KCNK10: variants seen among roughly 807,000 people sequenced by gnomAD.
KCNK10 encodes potassium channel subfamily K member 10.
Under a neutral mutation model 47.7 loss-of-function variants are expected in KCNK10, and 25 were observed. The observed-to-expected ratio is 0.52, with a 90% CI of 0.38 to 0.73. The LOEUF (loss-of-function observed/expected upper bound fraction) is 0.73, where lower values mean the gene tolerates loss of function less well. Among genes scored for constraint, KCNK10 ranks in the 30% least tolerant of loss-of-function variants. The pLI is 0.00. For synonymous variants in KCNK10, 303 were observed against 285.6 expected (o/e 1.06, Z -0.61); for missense variants, 563 against 714.5 (o/e 0.79, Z 2.42).
intron 1 of KCNK10, among the ~76,000 whole-genome samples, chr14:88,310,205 G>GATATACTATATGATATGGTATATC (rs1888292052): frequency 2.4e-5 from 1 of 42,340 alleles, no homozygotes; most frequent in Admixed American, 3.0e-4. Flanking sequence ...TATGGTATAT[G>GATATACTATATGATATGGTATATC]ATATACCATA....
intron 3 of KCNK10, among the ~76,000 whole-genome samples, chr14:88,228,450 AT>A (rs1886055864): frequency 6.6e-6 from 1 of 152,206 alleles, no homozygotes; most frequent in Admixed American, 6.5e-5. Flanking sequence ...CACACTTTAT[AT>A]GGAGATGAAA....
In KCNK10 at chr14:88,309,592, A is replaced by G. The variant is rs111537543; in HGVS notation, c.52+13155T>C. Reference sequence around the variant, plus strand: ...ACTCCAGCTCGGGCGACAAATCAAGATCTTGTCTCAAAAACATAAAAAACT... The same window carrying G: ...ACTCCAGCTCGGGCGACAAATCAAGGTCTTGTCTCAAAAACATAAAAAACT... On this transcript the variant is annotated intron_variant, in intron 1 of 6. Transcript: ENST00000319231. 2.5e-3 allele frequency among the ~76,000 whole-genome samples: 380 copies of G among 152,346 alleles called. 1 individual carries two copies. The highest frequency in any genetic ancestry group is 8.8e-3 in the African/African-American group (367 of 41,580).
At chr14:88,187,523 C>T (rs1884605336) in intron 6 of KCNK10, among the ~76,000 whole-genome samples, 1 of 152,116 alleles carries the variant, frequency 6.6e-6, no homozygotes, top group African/African-American at 2.4e-5. Flanking sequence ...TTCCCCGTAG[C>T]TGGTCAATGT....
chr14:88,180,926 CCTTTTT>C lies in KCNK10; in HGVS notation c.*4603_*4608del, dbSNP rs1884325369. On this transcript the variant is annotated 3_prime_UTR_variant, in exon 7 of 7. Coordinates refer to ENST00000319231, the MANE Select transcript of KCNK10 (RefSeq NM_138317.3). ...AGTGATCTTTGTTTCAGAGAGTTAC[CCTTTTT>C]CTTTTTAAGGCCATTACTAGCCAGC... 2.5e-6 allele frequency: 1 copy of C among 398,360 alleles called. No individual in the cohort carries two copies. Among genetic ancestry groups the C allele is most frequent in the African/African-American group, 2.1e-5 (1 of 48,614 alleles). The allele number at this position is 398,360 out of a possible 1,614,324, so 24.7% of individuals were successfully genotyped here.
chr14:88,186,447 G>A lies in KCNK10; in HGVS notation c.1012-292C>T, dbSNP rs1377482915. Reference sequence around the variant, plus strand: ...GAGAGGGGGACGGCATCCTGCAGGAGAGGTTAAAATGTGGAGTTGGACAGG... The same window carrying A: ...GAGAGGGGGACGGCATCCTGCAGGAAAGGTTAAAATGTGGAGTTGGACAGG... On this transcript the variant is annotated intron_variant, in intron 6 of 6. Transcript: ENST00000319231. This position sits in a 1 kb window ranked among gnomAD's most constrained non-coding sequence, Gnocchi z 5.5. 6.6e-6 allele frequency among the ~76,000 whole-genome samples: 1 copy of A among 152,166 alleles called. No homozygotes were observed. Among genetic ancestry groups the A allele is most frequent in the Non-Finnish European group, 1.5e-5 (1 of 68,032 alleles).
intron 4 of KCNK10, among the ~76,000 whole-genome samples, chr14:88,201,777 T>C (rs1432325811): frequency 1.3e-5 from 2 of 152,244 alleles, no homozygotes; most frequent in African/African-American, 2.4e-5. Flanking sequence ...AATTAAGTTA[T>C]ATGCAAACTC....
chr14:88,247,284 C>T (rs890061292), intron 2 of KCNK10, among the ~76,000 whole-genome samples: 2 of 152,286 alleles, frequency 1.3e-5, no homozygotes, highest in African/African-American at 4.8e-5. Context: ...GGCTGACGCA[C>T]GTGTGCCTTT....
In KCNK10 at chr14:88,241,984, G is replaced by C. The variant is rs184418212; in HGVS notation, c.403-1164C>G. ...CAGCCGAAACACATGCTGTTCACAC[G>C]GGTGAACTGGGATAAAAAAGCGACA... On this transcript the variant is annotated intron_variant, in intron 2 of 6. Coordinates refer to ENST00000319231, the MANE Select transcript of KCNK10 (RefSeq NM_138317.3). Among the ~76,000 whole-genome samples, 14 of 152,316 alleles carry C rather than the reference G, an allele frequency of 9.2e-5. No homozygotes were observed. The East Asian group carries it at 2.5e-3, about 27-fold the overall frequency.
At position 88,186,266 on chromosome 14, in the gene KCNK10, G is replaced by A. The variant is rs2139820338; in HGVS notation, c.1012-111C>T. 7.7e-7 allele frequency: 1 copy of A among 1,303,228 alleles called. No individual in the cohort carries two copies. The highest frequency in any genetic ancestry group is 1.0e-6 in the Non-Finnish European group (1 of 970,236). 80.7% of individuals were successfully genotyped at this position (1,303,228 alleles called of 1,614,324 possible). A position where few individuals can be genotyped will look rare whatever the true frequency, so the allele number is the denominator to read the frequency against. On this transcript the variant is annotated intron_variant, in intron 6 of 6. Transcript: ENST00000319231. The surrounding 1 kb of genome is among the most constrained non-coding windows in gnomAD (Gnocchi z 5.5). ...CACGGGGAGGCCAGGAGGTGACGGA[G>A]CACATGCCCAGGGGGAGGTGCAAAT...
intron 2 of KCNK10, among the ~76,000 whole-genome samples, chr14:88,250,929 T>A (rs1370169369): frequency 6.6e-6 from 1 of 152,126 alleles, no homozygotes; most frequent in East Asian, 1.9e-4. Context: ...AATGAAGGGC[T>A]CTTGGTCTTC....
At chr14:88,279,730 A>G (rs551513175) in intron 1 of KCNK10, among the ~76,000 whole-genome samples, 1 of 152,256 alleles carries the variant, frequency 6.6e-6, no homozygotes, top group Non-Finnish European at 1.5e-5. Flanking sequence ...GTGAAGTACT[A>G]AACTGGGTGA....
intron 3 of KCNK10, among the ~76,000 whole-genome samples, chr14:88,235,877 T>A (rs1886285044): frequency 6.6e-6 from 1 of 152,014 alleles, no homozygotes; most frequent in African/African-American, 2.4e-5. Context: ...TGTTATCAGA[T>A]GAAAGAGAAA....
At chr14:88,315,381 G>T (rs1465980443) in intron 1 of KCNK10, among the ~76,000 whole-genome samples, 1 of 152,114 alleles carries the variant, frequency 6.6e-6, no homozygotes, top group East Asian at 1.9e-4. Context: ...TCATCTCTAA[G>T]CTTTTCCTCC....
chr14:88,307,156 A>C (rs565230194), intron 1 of KCNK10, among the ~76,000 whole-genome samples: 1 of 152,310 alleles, frequency 6.6e-6, no homozygotes, highest in Non-Finnish European at 1.5e-5. Context: ...AAGCGCTTTC[A>C]AGATGGGTGG....
At chr14:88,208,154 G>A (rs58936242) in intron 4 of KCNK10, among the ~76,000 whole-genome samples, 4,265 of 152,244 alleles carry the variant, frequency 0.028, 196 homozygotes, top group African/African-American at 0.096. Flanking sequence ...TGGTTGGTGG[G>A]TTCCTTTTTT....
intron 1 of KCNK10, among the ~76,000 whole-genome samples, chr14:88,268,294 G>A (rs1887321317): frequency 6.6e-6 from 1 of 152,182 alleles, no homozygotes; most frequent in Admixed American, 6.5e-5. Flanking sequence ...GGAGCAGCCC[G>A]GGAGCAACGT....
chr14:88,311,714 T>C (rs1888333670), intron 1 of KCNK10, among the ~76,000 whole-genome samples: 1 of 152,156 alleles, frequency 6.6e-6, no homozygotes, highest in Non-Finnish European at 1.5e-5. Context: ...TGAGGCTTAG[T>C]CTGGATCATA....
chr14:88,186,346 G>C lies in KCNK10; in HGVS notation c.1012-191C>G, dbSNP rs948771637. On this transcript the variant is annotated intron_variant, in intron 6 of 6. Coordinates refer to ENST00000319231, the MANE Select transcript of KCNK10 (RefSeq NM_138317.3). This position sits in a 1 kb window ranked among gnomAD's most constrained non-coding sequence, Gnocchi z 5.5. ...CTGGACACCCATCCCTAATTGGCTA[G>C]TAAATAAGGTGGCTCAGGGAGACAC... 6.6e-6 allele frequency among the ~76,000 whole-genome samples: 1 copy of C among 152,166 alleles called. No homozygotes were observed. The highest frequency in any genetic ancestry group is 1.5e-5 in the Non-Finnish European group (1 of 68,036).
chr14:88,235,763 C>A (rs2139883679), intron 3 of KCNK10, among the ~76,000 whole-genome samples: 1 of 152,254 alleles, frequency 6.6e-6, no homozygotes, highest in South Asian at 2.1e-4. Flanking sequence ...ATATGTATAG[C>A]TGTAATCTCC....
Sources: gnomAD v4.1 joint callset for allele counts (sites outside exome capture counted in the v4.1 genomes callset) on GRCh38, gnomAD v4.1.1 for gene constraint, Gnocchi (gnomAD v3.1) non-coding constraint, MANE v1.5 for transcripts, NCBI Gene and HGNC (gene_info 2026-07-23, HGNC 2026-07-21) for gene names.